AGMO: variants seen among roughly 807,000 people sequenced by gnomAD.
AGMO encodes the protein glyceryl-ether monooxygenase.
In AGMO, 75 loss-of-function variants were observed where a neutral mutation model predicts 60.2. The observed-to-expected ratio is 1.25, with a 90% CI of 1.03 to 1.51. The LOEUF is 1.51. Ranked by LOEUF, AGMO falls within the 40% of genes most tolerant of loss-of-function variation. The pLI, the probability that AGMO is intolerant of heterozygous loss-of-function variation, is 0.00. For missense variants in AGMO, 763 were observed against 525.5 expected (o/e 1.45, Z -4.42); for synonymous variants, 261 against 177.1 (o/e 1.47, Z -3.76).
chr7:15,427,092 T>C (rs951100396), intron 4 of AGMO, among the ~76,000 whole-genome samples: 1 of 152,172 alleles, frequency 6.6e-6, no homozygotes, highest in African/African-American at 2.4e-5. Flanking sequence ...AGAGTTTCTT[T>C]AGGATAATAT....
At chr7:15,263,034 C>T (rs187863825) in intron 12 of AGMO, among the ~76,000 whole-genome samples, 18 of 152,146 alleles carry the variant, frequency 1.2e-4, no homozygotes, top group African/African-American at 3.6e-4. Context: ...GACCTCATGA[C>T]GAAGAACCCA....
At chr7:15,196,923 G>A (rs999021823), downstream of AGMO, among the ~76,000 whole-genome samples, 2 of 152,156 alleles carry the variant, frequency 1.3e-5, no homozygotes, top group Non-Finnish European at 2.9e-5. Context: ...AAACATCAAT[G>A]CTTAATTTGC....
intron 10 of AGMO, among the ~76,000 whole-genome samples, chr7:15,376,029 A>G (rs1382441612): frequency 6.6e-6 from 1 of 152,154 alleles, no homozygotes; most frequent in East Asian, 1.9e-4. Context: ...GACAAAAAAT[A>G]ATGTATTTAG....
At chr7:15,220,417 A>G (rs113848600) in intron 12 of AGMO, among the ~76,000 whole-genome samples, 21 of 151,108 alleles carry the variant, frequency 1.4e-4, no homozygotes, top group African/African-American at 4.6e-4. Context: ...CTGGGTTTCA[A>G]TGTGTTTCCC....
chr7:15,239,149 T>G (rs180820268), intron 12 of AGMO, among the ~76,000 whole-genome samples: 8 of 152,076 alleles, frequency 5.3e-5, no homozygotes, highest in Admixed American at 4.6e-4. Context: ...TCAACACAAC[T>G]TGTTGATGAG....
At chr7:15,540,350 G>A (rs1451260623) in intron 3 of AGMO, among the ~76,000 whole-genome samples, 2 of 152,140 alleles carry the variant, frequency 1.3e-5, no homozygotes. Flanking sequence ...CCCCCTGAAT[G>A]GCAGAGAATC....
intron 12 of AGMO, among the ~76,000 whole-genome samples, chr7:15,221,769 C>T (rs566026411): frequency 1.3e-5 from 2 of 152,290 alleles, no homozygotes; most frequent in African/African-American, 4.8e-5. Flanking sequence ...GGAATAGCCA[C>T]TTGCCCTTCC....
At chr7:15,293,547 AAAC>A (rs754006168) in intron 12 of AGMO, among the ~76,000 whole-genome samples, 24 of 152,172 alleles carry the variant, frequency 1.6e-4, no homozygotes, top group African/African-American at 3.9e-4. Flanking sequence ...AAAAATGTTG[AAAC>A]AACAACAACA....
chr7:15,500,319 A>G (rs1376097743), intron 3 of AGMO, among the ~76,000 whole-genome samples: 3 of 151,948 alleles, frequency 2.0e-5, no homozygotes, highest in African/African-American at 7.2e-5. Context: ...TTAATGTTGC[A>G]TTAAGTGGCC....
intron 8 of AGMO, 25 bp from the exon 9 acceptor site, chr7:15,387,565 A>G: frequency 6.3e-7 from 1 of 1,576,272 alleles, no homozygotes; most frequent in African/African-American, 1.4e-5. Context: ...AAAAGAGCTT[A>G]TTTCACATAA....
intron 3 of AGMO, among the ~76,000 whole-genome samples, chr7:15,436,924 A>G (rs1781419176): frequency 6.6e-6 from 1 of 152,198 alleles, no homozygotes. Context: ...TTAACAAGAT[A>G]TCTAAATATA....
intron 12 of AGMO, among the ~76,000 whole-genome samples, chr7:15,326,406 T>C (rs1781340561): frequency 6.6e-6 from 1 of 152,194 alleles, no homozygotes. Flanking sequence ...ACATGACTTC[T>C]CTTTAGAATC....
chr7:15,552,346 T>C (rs1447260995), intron 2 of AGMO, among the ~76,000 whole-genome samples: 3 of 152,284 alleles, frequency 2.0e-5, no homozygotes, highest in Admixed American at 2.0e-4. Flanking sequence ...AAAGAGCTTC[T>C]GCACAGCAAA....
chr7:15,362,515 CCTT>C (rs972469198), intron 12 of AGMO, among the ~76,000 whole-genome samples: 1 of 152,100 alleles, frequency 6.6e-6, no homozygotes, highest in African/African-American at 2.4e-5. Flanking sequence ...TATGTTCTCT[CCTT>C]TGTGGCACTT....
At chr7:15,287,483 A>T (rs1374033902) in intron 12 of AGMO, among the ~76,000 whole-genome samples, 1 of 152,186 alleles carries the variant, frequency 6.6e-6, no homozygotes, top group Non-Finnish European at 1.5e-5. Flanking sequence ...TCTTGTGAAA[A>T]TCAATAGTTT....
chr7:15,479,465 C>G (rs936212953), intron 3 of AGMO, among the ~76,000 whole-genome samples: 11 of 152,168 alleles, frequency 7.2e-5, no homozygotes, highest in African/African-American at 2.7e-4. Flanking sequence ...TCTCCAGACT[C>G]CTGAGCCAAT....
At chr7:15,480,386 A>G (rs1281190303) in intron 3 of AGMO, among the ~76,000 whole-genome samples, 1 of 152,158 alleles carries the variant, frequency 6.6e-6, no homozygotes, top group Non-Finnish European at 1.5e-5. Context: ...AAGGAGTAAA[A>G]ATGGGATTGA....
downstream of AGMO, among the ~76,000 whole-genome samples, chr7:15,195,633 T>C (rs567295883): frequency 1.5e-3 from 224 of 152,332 alleles, 1 homozygote; most frequent in Non-Finnish European, 2.8e-3. Flanking sequence ...AGGTAGCCCC[T>C]TTCCTATTGG....
chr7:15,355,676 G>GA (rs1782504038), intron 12 of AGMO, among the ~76,000 whole-genome samples: 1 of 152,092 alleles, frequency 6.6e-6, no homozygotes, highest in East Asian at 1.9e-4. Context: ...GCACTATATG[G>GA]AAAAAATTGA....
Sources: allele counts gnomAD v4.1 joint callset (sites outside exome capture counted in the v4.1 genomes callset), GRCh38; gene constraint gnomAD v4.1.1; transcripts MANE v1.5; gene names NCBI Gene and HGNC (gene_info 2026-07-23, HGNC 2026-07-21).